The following PPME1 variants were observed in gnomAD, a reference collection of about 807,000 sequenced individuals.
PPME1 encodes the protein protein phosphatase methylesterase 1, also known as testicular secretory protein Li 39.
Under a neutral mutation model 56.9 loss-of-function variants are expected in PPME1, and 17 were observed. That is an observed-to-expected ratio of 0.30 (90% CI 0.20 to 0.45). The LOEUF (loss-of-function observed/expected upper bound fraction) is 0.45, where lower values mean the gene tolerates loss of function less well. Ranked by LOEUF, PPME1 falls within the 20% of genes least tolerant of loss-of-function variation. The pLI is 1.00. For missense variants in PPME1, 357 were observed against 483.2 expected, an observed-to-expected ratio of 0.74 and a Z score of 2.45; for synonymous variants, 122 against 156.2, an observed-to-expected ratio of 0.78 and a Z score of 1.63.
At chr11:74,189,022 A>G (rs1383097302) in intron 1 of PPME1, among the ~76,000 whole-genome samples, 1 of 152,150 alleles carries the variant, frequency 6.6e-6, no homozygotes. Context: ...ACAAGTAACT[A>G]TTTTCATTAG....
At chr11:74,174,192 T>C in intron 1 of PPME1, among the ~76,000 whole-genome samples, 1 of 152,184 alleles carries the variant, frequency 6.6e-6, no homozygotes, top group East Asian at 1.9e-4. Flanking sequence ...TAAGGGAATG[T>C]ATTAATAAAT....
intron 3 of PPME1, among the ~76,000 whole-genome samples, chr11:74,214,949 A>G (rs978056926): frequency 2.0e-5 from 3 of 152,230 alleles, no homozygotes; most frequent in African/African-American, 7.2e-5. Context: ...TGTGTAAACA[A>G]CTCATATCTT....
intron 9 of PPME1, among the ~76,000 whole-genome samples, chr11:74,245,046 T>C (rs1859470199): frequency 6.6e-6 from 1 of 152,196 alleles, no homozygotes; most frequent in Admixed American, 6.5e-5. Flanking sequence ...TCTATTCTAT[T>C]CCACTGGTCT....
intron 3 of PPME1, among the ~76,000 whole-genome samples, chr11:74,207,048 G>A (rs1016770889): frequency 2.0e-5 from 3 of 152,164 alleles, no homozygotes; most frequent in African/African-American, 7.2e-5. Flanking sequence ...TACTTGTTCT[G>A]ACTCCAGTGT....
chr11:74,192,125 G>A (rs1347836592), intron 1 of PPME1, among the ~76,000 whole-genome samples: 1 of 152,202 alleles, frequency 6.6e-6, no homozygotes, highest in African/African-American at 2.4e-5. Context: ...AGGTAGAGCT[G>A]CCCAAGGCCT....
chr11:74,213,497 C>G (rs890791180), intron 3 of PPME1, among the ~76,000 whole-genome samples: 3 of 152,182 alleles, frequency 2.0e-5, no homozygotes, highest in African/African-American at 7.2e-5. Context: ...CACAGATAGC[C>G]AGGCAGTGGT....
intron 1 of PPME1, among the ~76,000 whole-genome samples, chr11:74,197,350 T>C (rs1343986600): frequency 6.6e-6 from 1 of 152,228 alleles, no homozygotes; most frequent in Non-Finnish European, 1.5e-5. Context: ...AGTGAACTAA[T>C]GGAGAACCTT....
chr11:74,183,677 T>TTTTTCATCTTACAAATTCTTTTTCTTAGC (rs1303692637), intron 1 of PPME1, among the ~76,000 whole-genome samples: 1 of 152,186 alleles, frequency 6.6e-6, no homozygotes, highest in Non-Finnish European at 1.5e-5. Context: ...TTTTTCTTAG[T>TTTTTCATCTTACAAATTCTTTTTCTTAGC]TTTTCATCTT....
At chr11:74,175,217 T>A (rs1237004185) in intron 1 of PPME1, among the ~76,000 whole-genome samples, 1 of 152,134 alleles carries the variant, frequency 6.6e-6, no homozygotes, top group Non-Finnish European at 1.5e-5. Context: ...TAGTTGTACT[T>A]TTTGGCCAGG....
chr11:74,175,975 C>T (rs1294344052), intron 1 of PPME1, among the ~76,000 whole-genome samples: 1 of 152,140 alleles, frequency 6.6e-6, no homozygotes, highest in African/African-American at 2.4e-5. Flanking sequence ...AAGTTTGAAG[C>T]CCAACTTAGG....
chr11:74,246,124 GA>G lies in PPME1; in HGVS notation c.888del (p.Lys296AsnfsTer35). On this transcript the variant is annotated frameshift_variant, in exon 10 of 14. Transcript: ENST00000328257. LOFTEE classifies it high-confidence loss of function. ...CTGGAGAATTGAACTGGCAAAAACA[GA>G]AAAATACTGGGACGGCTGGTTCCGA... The part of the protein sequence containing the change: ...YTWRIELAKT[E>X]KYWDGWFRGL... 6.4e-7 allele frequency: 1 copy of G among 1,564,968 alleles called. No individual in the cohort carries two copies. The highest frequency in any genetic ancestry group is 8.7e-7 in the Non-Finnish European group (1 of 1,153,884).
chr11:74,220,368 G>C (rs376427850), intron 3 of PPME1, among the ~76,000 whole-genome samples: 14 of 152,048 alleles, frequency 9.2e-5, no homozygotes, highest in African/African-American at 3.1e-4. Flanking sequence ...CTTCATTTTG[G>C]GTATACATTA....
At chr11:74,216,512 T>C (rs1858648699) in intron 3 of PPME1, among the ~76,000 whole-genome samples, 1 of 152,224 alleles carries the variant, frequency 6.6e-6, no homozygotes, top group South Asian at 2.1e-4. Flanking sequence ...GGAAAGTTTA[T>C]AGCTATAAGA....
chr11:74,252,248 T>G lies in PPME1; in HGVS notation c.1142+533T>G, dbSNP rs550045906. Among the ~76,000 whole-genome samples the G allele has an allele frequency of 5.8e-3, 859 of 148,388 alleles. 6 individuals are homozygous for G. Among genetic ancestry groups the G allele is most frequent in the South Asian group, 0.015 (72 of 4,780 alleles). On this transcript the variant is annotated intron_variant, in intron 13 of 13. Coordinates refer to ENST00000328257, the MANE Select transcript of PPME1 (RefSeq NM_016147.3). ...GTACCCGGCTAATTTTGTTTTTTTT[T>G]TTGTTTTTTTTTTTTTTTAGTAAAG...
In PPME1 at chr11:74,191,899, T is replaced by G. The variant is rs543604771; in HGVS notation, c.102-11829T>G. Reference sequence around the variant, plus strand: ...AAGGGCAGAGCCCCTGCAGAGAAACTTTGCTAGGGCAATGCTGAGGGGAAA... The same window carrying G: ...AAGGGCAGAGCCCCTGCAGAGAAACGTTGCTAGGGCAATGCTGAGGGGAAA... On this transcript the variant is annotated intron_variant, in intron 1 of 13. Coordinates refer to ENST00000328257, the MANE Select transcript of PPME1 (RefSeq NM_016147.3). Among the ~76,000 whole-genome samples the G allele has an allele frequency of 7.6e-4, 116 of 152,276 alleles. 1 individual carries two copies. Among genetic ancestry groups the G allele is most frequent in the African/African-American group, 2.7e-3 (113 of 41,562 alleles).
intron 7 of PPME1, among the ~76,000 whole-genome samples, chr11:74,234,859 G>C (rs2135666154): frequency 1.3e-5 from 2 of 152,324 alleles, no homozygotes; most frequent in Admixed American, 1.3e-4. Context: ...AAGTGACACA[G>C]AAGAGAGACA....
chr11:74,211,520 A>C (rs1477844677), intron 3 of PPME1, among the ~76,000 whole-genome samples: 2 of 152,220 alleles, frequency 1.3e-5, no homozygotes, highest in Non-Finnish European at 2.9e-5. Flanking sequence ...ATGAATTTAA[A>C]TAACAAATCG....
At chr11:74,241,071 C>T (rs913725651) in intron 9 of PPME1, among the ~76,000 whole-genome samples, 17 of 152,254 alleles carry the variant, frequency 1.1e-4, no homozygotes, top group Admixed American at 9.8e-4. Context: ...TATGTGGTTT[C>T]ATAAACTCCA....
At chr11:74,183,579 C>T (rs1238567024) in intron 1 of PPME1, among the ~76,000 whole-genome samples, 1 of 151,894 alleles carries the variant, frequency 6.6e-6, no homozygotes, top group African/African-American at 2.4e-5. Flanking sequence ...GCTATTTCTT[C>T]TATAGAAAAA....
Sources: gnomAD v4.1 joint callset for allele counts (sites outside exome capture counted in the v4.1 genomes callset) on GRCh38, gnomAD v4.1.1 for gene constraint, MANE v1.5 for transcripts, NCBI Gene and HGNC (gene_info 2026-07-23, HGNC 2026-07-21) for gene names.